TSHZ2: variants seen among roughly 807,000 people sequenced by gnomAD.
The protein encoded by TSHZ2 is teashirt zinc finger homeobox 2, also known as teashirt homolog 2.
In TSHZ2, 21 loss-of-function variants were observed where a neutral mutation model predicts 74.4. The observed-to-expected ratio is 0.28, with a 90% CI of 0.20 to 0.41. The LOEUF (loss-of-function observed/expected upper bound fraction) is 0.41, where lower values mean the gene tolerates loss of function less well. TSHZ2 is among the 10% of genes least tolerant of loss of function. The pLI, the probability that TSHZ2 is intolerant of heterozygous loss-of-function variation, is 1.00. For missense variants in TSHZ2, 1,244 were observed against 1,293.5 expected (o/e 0.96, Z 0.59); for synonymous variants, 540 against 515.3 (o/e 1.05, Z -0.65).
intron 2 of TSHZ2, among the ~76,000 whole-genome samples, chr20:53,418,511 A>G (rs1210612571): frequency 2.6e-5 from 4 of 152,222 alleles, no homozygotes; most frequent in African/African-American, 4.8e-5. Flanking sequence ...CACGTCTCAC[A>G]TGGCGACAGA....
At chr20:53,430,891 G>A (rs1983823687) in intron 2 of TSHZ2, among the ~76,000 whole-genome samples, 1 of 152,064 alleles carries the variant, frequency 6.6e-6, no homozygotes, top group South Asian at 2.1e-4. Flanking sequence ...GACTAGCTGG[G>A]ACTACAGGTA....
chr20:53,117,001 A>G (rs999525695), intron 1 of TSHZ2, among the ~76,000 whole-genome samples: 17 of 152,176 alleles, frequency 1.1e-4, no homozygotes, highest in Middle Eastern at 6.8e-3. Context: ...GAGTGAGAGT[A>G]GGGTGGAGGA....
rs77995656 is a variant in TSHZ2 at position 53,445,930 on chromosome 20, G to A, written c.*9-41214G>A. 5.0e-3 allele frequency among the ~76,000 whole-genome samples: 760 copies of A among 152,290 alleles called. 4 individuals carry two copies. The highest frequency in any genetic ancestry group is 0.018 in the African/African-American group (730 of 41,546). On this transcript the variant is annotated intron_variant, in intron 2 of 2. Coordinates refer to ENST00000371497, the MANE Select transcript of TSHZ2 (RefSeq NM_173485.6). ...CCAAGGGTACAAGGGAGCCAGCTGA[G>A]CCTAGAGGAAGACCACAGGCCTCAG... is the stretch of plus-strand genomic sequence containing the variant.
At chr20:53,316,542 C>G (rs916740414) in intron 2 of TSHZ2, among the ~76,000 whole-genome samples, 7 of 151,368 alleles carry the variant, frequency 4.6e-5, no homozygotes, top group Non-Finnish European at 1.0e-4. Flanking sequence ...ACTATACCCT[C>G]TCTTCTGTCC....
At chr20:53,239,481 A>G (rs1200459504) in intron 1 of TSHZ2, among the ~76,000 whole-genome samples, 2 of 152,162 alleles carry the variant, frequency 1.3e-5, no homozygotes, top group African/African-American at 4.8e-5. Context: ...TATAAAGATA[A>G]ACACTCATAG....
chr20:53,345,971 A>AC (rs1980424021), intron 2 of TSHZ2, among the ~76,000 whole-genome samples: 1 of 152,020 alleles, frequency 6.6e-6, no homozygotes, highest in Non-Finnish European at 1.5e-5. Context: ...GAGGACAGGG[A>AC]CCCCCTTGCA....
At chr20:53,337,383 G>T (rs1433051634) in intron 2 of TSHZ2, among the ~76,000 whole-genome samples, 1 of 152,206 alleles carries the variant, frequency 6.6e-6, no homozygotes, top group African/African-American at 2.4e-5. Flanking sequence ...AGGGTGCCAT[G>T]ATTTTTTTAA....
chr20:53,067,801 G>A (rs1392817718), intron 1 of TSHZ2, among the ~76,000 whole-genome samples: 3 of 152,198 alleles, frequency 2.0e-5, no homozygotes, highest in African/African-American at 7.2e-5. Context: ...CTGGGACAAA[G>A]TGCCACAAAC....
At chr20:53,170,282 A>T (rs940997445) in intron 1 of TSHZ2, among the ~76,000 whole-genome samples, 2 of 152,254 alleles carry the variant, frequency 1.3e-5, no homozygotes, top group Non-Finnish European at 2.9e-5. Context: ...AATGAAATTG[A>T]CATCTAGGCT....
intron 2 of TSHZ2, among the ~76,000 whole-genome samples, chr20:53,479,812 G>T (rs181446023): frequency 2.1e-3 from 314 of 152,276 alleles, no homozygotes; most frequent in Non-Finnish European, 3.5e-3. Flanking sequence ...GCATCTAGTG[G>T]GTAGAAGCCA....
At chr20:53,235,777 G>C (rs1036009932) in intron 1 of TSHZ2, among the ~76,000 whole-genome samples, 4 of 152,140 alleles carry the variant, frequency 2.6e-5, no homozygotes, top group Admixed American at 6.5e-5. Flanking sequence ...TTAATTCAAA[G>C]TTAAGATTTT....
chr20:53,247,257 G>A (rs1384408270), intron 1 of TSHZ2, among the ~76,000 whole-genome samples: 1 of 152,198 alleles, frequency 6.6e-6, no homozygotes, highest in African/African-American at 2.4e-5. Context: ...AAATGTGCAT[G>A]AACGTAGATC....
intron 1 of TSHZ2, among the ~76,000 whole-genome samples, chr20:53,046,637 A>T (rs1291672552): frequency 1.3e-5 from 2 of 150,730 alleles, no homozygotes; most frequent in African/African-American, 2.5e-5. Flanking sequence ...GTATTTGATT[A>T]AAAAAAACAA....
intron 2 of TSHZ2, among the ~76,000 whole-genome samples, chr20:53,320,028 A>G (rs1979187510): frequency 6.6e-6 from 1 of 152,118 alleles, no homozygotes; most frequent in South Asian, 2.1e-4. Context: ...TGGGCCATCA[A>G]CCTAAACCTC....
At chr20:53,092,225 GAGACCTTAGT>G (rs368026102) in intron 1 of TSHZ2, among the ~76,000 whole-genome samples, 33 of 151,918 alleles carry the variant, frequency 2.2e-4, no homozygotes, top group African/African-American at 7.7e-4. Flanking sequence ...CCCTATACGA[GAGACCTTAGT>G]AGAATTGGAA....
chr20:53,423,303 G>A (rs1983544508), intron 2 of TSHZ2, among the ~76,000 whole-genome samples: 1 of 152,102 alleles, frequency 6.6e-6, no homozygotes, highest in Non-Finnish European at 1.5e-5. Flanking sequence ...AGAATCACTT[G>A]AGCCCAGGAA....
intron 1 of TSHZ2, among the ~76,000 whole-genome samples, chr20:53,142,915 T>A (rs926794695): frequency 3.3e-5 from 5 of 152,148 alleles, no homozygotes; most frequent in Non-Finnish European, 7.4e-5. Context: ...AATAGCGTGT[T>A]TTTTGCTTAC....
chr20:53,441,667 C>G (rs1448568219), intron 2 of TSHZ2, among the ~76,000 whole-genome samples: 3 of 150,146 alleles, frequency 2.0e-5, no homozygotes, highest in African/African-American at 7.5e-5. Flanking sequence ...ACTGCAACCC[C>G]TGCCTCCCAA....
chr20:53,484,417 A>C (rs1362389035), intron 2 of TSHZ2, among the ~76,000 whole-genome samples: 4 of 130,206 alleles, frequency 3.1e-5, no homozygotes, highest in East Asian at 4.3e-4. Flanking sequence ...ACAGAGTCTC[A>C]CTCTGTTGCC....
Sources: gnomAD v4.1 joint callset for allele counts (sites outside exome capture counted in the v4.1 genomes callset) on GRCh38, gnomAD v4.1.1 for gene constraint, MANE v1.5 for transcripts, NCBI Gene and HGNC (gene_info 2026-07-23, HGNC 2026-07-21) for gene names.